The following IQCE variants were observed in gnomAD, a reference collection of about 807,000 sequenced individuals.
IQCE encodes the protein IQ motif containing E, also known as IQ domain-containing protein E.
A neutral mutation model predicts 96.0 loss-of-function variants in IQCE; 115 were observed. The ratio of observed to expected loss-of-function variants is 1.20; its 90% confidence interval spans 1.03 to 1.40. The LOEUF (loss-of-function observed/expected upper bound fraction) is 1.40, where lower values mean the gene tolerates loss of function less well. IQCE is among the 40% of genes most tolerant of loss of function. The probability of loss-of-function intolerance (pLI) is 0.00; values close to 1 mark genes in which losing one functional copy is unlikely to be tolerated. For synonymous variants in IQCE, 412 were observed against 371.2 expected (o/e 1.11, Z -1.26); for missense variants, 1,041 against 909.1 (o/e 1.15, Z -1.87).
chr7:2,592,095 G>A (rs11768311), intron 14 of IQCE, among the ~76,000 whole-genome samples: 24,758 of 151,924 alleles, frequency 0.16, 2,260 homozygotes, highest in African/African-American at 0.2. Flanking sequence ...CCCTACAGGT[G>A]ATCTGTGTGT....
At chr7:2,582,007 C>G in intron 8 of IQCE, 1 of 461,414 alleles carries the variant, frequency 2.2e-6, no homozygotes, top group Non-Finnish European at 4.5e-6. Context: ...CCACCGCGCC[C>G]GGCAAAAGAA....
At chr7:2,582,468 G>T in intron 8 of IQCE, 112 bp from the exon 9 acceptor site, 2 of 855,866 alleles carry the variant, frequency 2.3e-6, no homozygotes, top group Admixed American at 2.0e-5. Context: ...AGAGCACAGC[G>T]CTGGAGGGAG....
chr7:2,589,489 G>A (rs1049842217), intron 13 of IQCE, among the ~76,000 whole-genome samples: 3 of 152,238 alleles, frequency 2.0e-5, no homozygotes, highest in Non-Finnish European at 4.4e-5. Context: ...AGAGGCAGGA[G>A]TGGAGGGCGG....
chr7:2,588,008 CG>C, intron 13 of IQCE, 131 bp downstream of exon 13: 1 of 835,372 alleles, frequency 1.2e-6, no homozygotes, highest in Admixed American at 1.9e-5. Context: ...ACACACAGAC[CG>C]CAAGGAGACT....
chr7:2,605,265 A>G (rs1784718601), intron 19 of IQCE, among the ~76,000 whole-genome samples: 1 of 152,230 alleles, frequency 6.6e-6, no homozygotes, highest in African/African-American at 2.4e-5. Context: ...AAAAACTACT[A>G]AAGACAGATG....
At chr7:2,603,244 G>A (rs73035504) in intron 18 of IQCE, among the ~76,000 whole-genome samples, 19,024 of 152,118 alleles carry the variant, frequency 0.13, 1,251 homozygotes, top group Admixed American at 0.16. Flanking sequence ...CCCACAGCCC[G>A]CTGCGGTTCC....
rs891159911 is a variant in IQCE at position 2,604,791 on chromosome 7, T to C, written c.1633-90T>C. ...AAGGGAGTCACGTTCCCTGCTGCCG[T>C]GGCAGCTCTCTCCTCGGCGCCTCCC... On this transcript the variant is annotated intron_variant, in intron 18 of 21. Transcript: ENST00000402050. 8.0e-5 allele frequency: 67 copies of C among 842,160 alleles called. 1 individual carries two copies. In the South Asian group the frequency reaches 8.6e-4, roughly 11 times the overall value. 52.2% of individuals were successfully genotyped at this position (842,160 alleles called of 1,614,324 possible).
chr7:2,566,274 T>C (rs1419913229), intron 1 of IQCE, among the ~76,000 whole-genome samples: 1 of 151,002 alleles, frequency 6.6e-6, no homozygotes, highest in African/African-American at 2.5e-5. Context: ...AGAAACACTT[T>C]TGTCTTCAAA....
chr7:2,609,126 C>A (rs1198091731), intron 21 of IQCE, among the ~76,000 whole-genome samples: 1 of 152,042 alleles, frequency 6.6e-6, no homozygotes, highest in Admixed American at 6.5e-5. Context: ...GCTCTGGTAC[C>A]CACCTCCATC....
chr7:2,572,129 A>C, intron 4 of IQCE, 63 bp from the exon 5 acceptor site: 1 of 1,525,992 alleles, frequency 6.6e-7, no homozygotes, highest in Non-Finnish European at 8.9e-7. Context: ...GTTGATTAGA[A>C]ACAAAACCTC....
At chr7:2,582,450 T>C in intron 8 of IQCE, 130 bp from the exon 9 acceptor site, 1 of 764,510 alleles carries the variant, frequency 1.3e-6, no homozygotes, top group Non-Finnish European at 2.3e-6. Context: ...GGGCCCGTAG[T>C]CTAGAAGAGA....
At chr7:2,580,223 A>G (rs2128447189) in intron 8 of IQCE, 1 of 152,232 alleles carries the variant, frequency 6.6e-6, no homozygotes, top group South Asian at 2.1e-4. Context: ...AGGATTGACC[A>G]GAATCACAAA....
chr7:2,574,858 C>T (rs1782003112), intron 6 of IQCE, among the ~76,000 whole-genome samples: 1 of 152,202 alleles, frequency 6.6e-6, no homozygotes. Context: ...CCTCTGCATC[C>T]TGCAGTTGAG....
chr7:2,575,527 GGA>G, intron 6 of IQCE, among the ~76,000 whole-genome samples: 1 of 152,246 alleles, frequency 6.6e-6, no homozygotes, highest in Non-Finnish European at 1.5e-5. Context: ...GACCTCCTCT[GGA>G]GCCCCACCAG....
Position 2,607,397 on chromosome 7 carries a change from C to T in IQCE, c.1969+170C>T. On this transcript the variant is annotated intron_variant, in intron 21 of 21. Coordinates refer to ENST00000402050, the MANE Select transcript of IQCE (RefSeq NM_152558.5). ...CGCCTTATGCCAGGAAGGCCCACAA[C>T]AGGGCCCCGCCTTGGCCCAGCTTGT... 2 of 1,375,652 alleles carry T rather than the reference C, an allele frequency of 1.5e-6. 1 individual carries two copies. The highest frequency in any genetic ancestry group is 3.3e-5 in the South Asian group (2 of 60,472). The allele number at this position is 1,375,652 out of a possible 1,614,324, so 85.2% of individuals were successfully genotyped here.
chr7:2,568,386 C>T (rs1781530195), intron 2 of IQCE, among the ~76,000 whole-genome samples: 1 of 152,166 alleles, frequency 6.6e-6, no homozygotes, highest in Admixed American at 6.5e-5. Context: ...CTCTTGGTCC[C>T]AGGCATCTCG....
chr7:2,601,494 T>C, intron 18 of IQCE, 30 bp downstream of exon 18: 1 of 1,540,684 alleles, frequency 6.5e-7, no homozygotes, highest in African/African-American at 1.4e-5. Flanking sequence ...TGTTTCAAAA[T>C]TCGGATTTGT....
intron 12 of IQCE, 124 bp from the exon 13 acceptor site, chr7:2,587,698 T>C: frequency 2.2e-6 from 2 of 914,182 alleles, no homozygotes; most frequent in Non-Finnish European, 3.5e-6. Flanking sequence ...CCTGTCGGTG[T>C]GGCTCTGCAG....
intron 17 of IQCE, among the ~76,000 whole-genome samples, chr7:2,600,900 G>A (rs1306671649): frequency 5.3e-5 from 8 of 152,334 alleles, no homozygotes; most frequent in East Asian, 1.9e-4. Flanking sequence ...GTGACGCTGC[G>A]TGTCAGCTGC....
Sources: allele counts gnomAD v4.1 joint callset (sites outside exome capture counted in the v4.1 genomes callset), GRCh38; gene constraint gnomAD v4.1.1; transcripts MANE v1.5; gene names NCBI Gene and HGNC (gene_info 2026-07-23, HGNC 2026-07-21).